The following LRRC75A variants were observed in gnomAD, a reference collection of about 807,000 sequenced individuals.
The protein encoded by LRRC75A is leucine-rich repeat-containing protein 75A.
A neutral mutation model predicts 26.0 loss-of-function variants in LRRC75A; 12 were observed. The observed-to-expected ratio is 0.46, with a 90% CI of 0.30 to 0.75. The LOEUF (loss-of-function observed/expected upper bound fraction) is 0.75, where lower values mean the gene tolerates loss of function less well. Among genes scored for constraint, LRRC75A ranks in the 30% least tolerant of loss-of-function variants. The probability of loss-of-function intolerance (pLI) is 0.08; values close to 1 mark genes in which losing one functional copy is unlikely to be tolerated. For missense variants in LRRC75A, 410 were observed against 486.6 expected, an observed-to-expected ratio of 0.84 and a Z score of 1.48; for synonymous variants, 223 against 219.3, an observed-to-expected ratio of 1.02 and a Z score of -0.15.
chr17:16,456,118 GTA>G (rs1568960303), intron 2 of LRRC75A, among the ~76,000 whole-genome samples: 63 of 139,028 alleles, frequency 4.5e-4, no homozygotes, highest in African/African-American at 1.6e-3. Flanking sequence ...AGGAGGAGGA[GTA>G]GCAGTAGTAG....
chr17:16,446,088 T>C (rs2093582620), intron 3 of LRRC75A, among the ~76,000 whole-genome samples: 1 of 152,196 alleles, frequency 6.6e-6, no homozygotes, highest in South Asian at 2.1e-4. Flanking sequence ...TTTTTATTTT[T>C]AGTAGAGACA....
intron 1 of LRRC75A, among the ~76,000 whole-genome samples, chr17:16,467,683 C>G (rs1185727144): frequency 6.6e-6 from 1 of 152,224 alleles, no homozygotes; most frequent in African/African-American, 2.4e-5. Context: ...ATGAGGCTAT[C>G]TGATTTTTGT....
intron 1 of LRRC75A, among the ~76,000 whole-genome samples, chr17:16,473,025 A>G (rs928848463): frequency 2.9e-4 from 44 of 152,172 alleles, no homozygotes; most frequent in African/African-American, 1.1e-3. Context: ...TCGTGAGGGG[A>G]ATAATGAAAT....
intron 2 of LRRC75A, among the ~76,000 whole-genome samples, chr17:16,449,255 C>A (rs1056991591): frequency 1.3e-5 from 2 of 152,188 alleles, no homozygotes; most frequent in African/African-American, 4.8e-5. Flanking sequence ...GATTCCCACA[C>A]CCCTCTGCTA....
rs560439882 is a variant in LRRC75A, at chr17:16,442,557, T to C, written c.*1031A>G. The C allele has an allele frequency of 6.6e-6, 1 of 152,408 alleles. No individual in the cohort carries two copies. Among genetic ancestry groups the C allele is most frequent in the South Asian group, 2.1e-4 (1 of 4,826 alleles). 9.4% of individuals were successfully genotyped at this position (152,408 alleles called of 1,614,324 possible). On this transcript the variant is annotated 3_prime_UTR_variant, in exon 4 of 4. Coordinates refer to ENST00000470794, the MANE Select transcript of LRRC75A (RefSeq NM_001113567.3). ...AGAACCTTTGCTAAGTTAGGTTCCT[T>C]TGGGAGCCTCCAGTTTGTTTCTCCC...
chr17:16,451,334 TA>T (rs1351274337), intron 2 of LRRC75A, among the ~76,000 whole-genome samples: 3 of 151,826 alleles, frequency 2.0e-5, no homozygotes, highest in African/African-American at 7.3e-5. Context: ...AAAGGGAGAA[TA>T]GGGGCCAGGC....
Position 16,443,924 on chromosome 17 carries a change from G to A in LRRC75A, c.699C>T (p.Thr233=). 6.2e-7 allele frequency: 1 copy of A among 1,613,316 alleles called. No homozygotes were observed. ...ACCGGTTGCCATTGAGTGCCAGTGT[G>A]GTGAGGCGGGGCAGGGTGCTGAGTG... The part of the protein sequence containing the change: ...LPALSTLPRL[T]TLALNGNRLT... The change falls in exon 4 of 4, where the codon ACC becomes ACT. Residue 233 remains threonine (T), a synonymous_variant. Coordinates refer to ENST00000470794, the MANE Select transcript of LRRC75A (RefSeq NM_001113567.3).
At chr17:16,490,006 T>C (rs2093854176) in intron 1 of LRRC75A, among the ~76,000 whole-genome samples, 1 of 152,158 alleles carries the variant, frequency 6.6e-6, no homozygotes, top group South Asian at 2.1e-4. Context: ...CTACTCTCCC[T>C]CAAGGCAGGG....
Position 16,492,031 on chromosome 17 carries a change from G to C in LRRC75A, c.-41C>G. 10 of 1,120,352 alleles carry C rather than the reference G, an allele frequency of 8.9e-6. No homozygotes were observed. Among genetic ancestry groups the C allele is most frequent in the Non-Finnish European group, 1.1e-5 (10 of 919,016 alleles). The allele number at this position is 1,120,352 out of a possible 1,614,324, so 69.4% of individuals were successfully genotyped here. On this transcript the variant is annotated 5_prime_UTR_variant, in exon 1 of 4. Coordinates refer to ENST00000470794, the MANE Select transcript of LRRC75A (RefSeq NM_001113567.3). Reference sequence around the variant, plus strand: ...CGGGACTCTCCGCTCTGGGCCGCGAGGCCGCGTCCCCGCCAACCGCCCGCC... The same window carrying C: ...CGGGACTCTCCGCTCTGGGCCGCGACGCCGCGTCCCCGCCAACCGCCCGCC...
chr17:16,486,926 C>T (rs561973618), intron 1 of LRRC75A, among the ~76,000 whole-genome samples: 3 of 152,350 alleles, frequency 2.0e-5, no homozygotes, highest in South Asian at 2.1e-4. Flanking sequence ...CAGACACACA[C>T]GCGTACGCAC....
At position 16,456,799 on chromosome 17, in the gene LRRC75A, C is replaced by T. The variant is rs150110412; in HGVS notation, c.375+5459G>A. Among the ~76,000 whole-genome samples, 266 of 152,338 alleles carry T rather than the reference C, an allele frequency of 1.7e-3. 1 individual carries two copies. The highest frequency in any genetic ancestry group is 5.8e-3 in the African/African-American group (242 of 41,588). ...ATTTTCTTCCTTGCTGGAGCCAGCC[C>T]GCCTGGGCTTCTGTTATGTGCAGCA... On this transcript the variant is annotated intron_variant, in intron 2 of 3. Coordinates refer to ENST00000470794, the MANE Select transcript of LRRC75A (RefSeq NM_001113567.3).
chr17:16,443,891 C>T lies in LRRC75A; in HGVS notation c.732G>A (p.Arg244=), dbSNP rs61743045. 6.5e-3 allele frequency: 10,421 copies of T among 1,613,348 alleles called. 615 individuals carry two copies. In the African/African-American group the frequency reaches 0.12, roughly 19 times the overall value. ...TGTCAGTGAGGTCGCGCAGCACGGC[C>T]CGGGTCAACCGGTTGCCATTGAGTG... ...TLALNGNRLT[R]AVLRDLTDIL... Residue 244 remains arginine (R), a synonymous_variant, in exon 4 of 4, where the codon CGG becomes CGA. Coordinates refer to ENST00000470794, the MANE Select transcript of LRRC75A (RefSeq NM_001113567.3).
chr17:16,478,057 G>C (rs527424795), intron 1 of LRRC75A, among the ~76,000 whole-genome samples: 1 of 152,054 alleles, frequency 6.6e-6, no homozygotes, highest in Non-Finnish European at 1.5e-5. Flanking sequence ...TCACCCTGAG[G>C]GTCTCTCTCG....
intron 1 of LRRC75A, among the ~76,000 whole-genome samples, chr17:16,487,863 A>G (rs985900565): frequency 6.6e-6 from 1 of 152,234 alleles, no homozygotes; most frequent in African/African-American, 2.4e-5. Context: ...GGAGGCCCAA[A>G]CAAGTTAACA....
At chr17:16,447,621 C>T (rs187637793) in intron 3 of LRRC75A, among the ~76,000 whole-genome samples, 33 of 152,268 alleles carry the variant, frequency 2.2e-4, no homozygotes, top group Admixed American at 9.8e-4. Flanking sequence ...CACTTTAGCA[C>T]ACCAGGAATT....
rs138457975 is a variant in LRRC75A, at chr17:16,453,714, G to A, written c.376-5754C>T. On this transcript the variant is annotated intron_variant, in intron 2 of 3. Transcript: ENST00000470794. ...GAACACAATTCCAAAGCATGGCGCC[G>A]GGGCCAGCAGAGAGCTTTGAACTAA... Among the ~76,000 whole-genome samples the A allele has an allele frequency of 1.4e-3, 206 of 152,222 alleles. 1 individual carries two copies. The highest frequency in any genetic ancestry group is 4.7e-3 in the African/African-American group (197 of 41,528).
At position 16,491,982 on chromosome 17, in the gene LRRC75A, G is replaced by T. The variant is rs1568991052; in HGVS notation, c.9C>A (p.Thr3=). 3.4e-6 allele frequency: 4 copies of T among 1,184,336 alleles called. No individual in the cohort carries two copies. The highest frequency in any genetic ancestry group is 4.2e-6 in the Non-Finnish European group (4 of 960,676). The allele number at this position is 1,184,336 out of a possible 1,614,324, so 73.4% of individuals were successfully genotyped here. Residue 3 remains threonine, a synonymous_variant, in exon 1 of 4, where the codon ACC becomes ACA. Transcript: ENST00000470794. The surrounding 1 kb of genome is among the most constrained non-coding windows in gnomAD (Gnocchi z 5.9). The stretch of plus-strand genomic sequence containing the variant: ...CCGCCAGGCTGCCCTTGGTCTGCCG[G>T]GTGCCCATGCCGCCGCCGCCCGCCG... MG[T]RQTKGSLAER...
At chr17:16,446,933 G>A in intron 3 of LRRC75A, 1 of 324,648 alleles carries the variant, frequency 3.1e-6, no homozygotes, top group South Asian at 2.1e-5. Flanking sequence ...CTAGTTGTGG[G>A]TGGGGGTGGG....
intron 1 of LRRC75A, among the ~76,000 whole-genome samples, chr17:16,468,480 G>T (rs2093786015): frequency 6.6e-6 from 1 of 152,198 alleles, no homozygotes; most frequent in African/African-American, 2.4e-5. Context: ...ATACTGTCTG[G>T]TTTCACTTAT....
Sources: allele counts gnomAD v4.1 joint callset (sites outside exome capture counted in the v4.1 genomes callset), GRCh38; gene constraint gnomAD v4.1.1; non-coding constraint Gnocchi (gnomAD v3.1); transcripts MANE v1.5; gene names NCBI Gene and HGNC (gene_info 2026-07-23, HGNC 2026-07-21).